The following FCHO2 variants were observed in gnomAD, a reference collection of about 807,000 sequenced individuals.
FCHO2 encodes the protein FCH and mu domain containing endocytic adaptor 2.
A neutral mutation model predicts 114.1 loss-of-function variants in FCHO2; 43 were observed. The ratio of observed to expected loss-of-function variants is 0.38; its 90% CI spans 0.30 to 0.49. FCHO2 has a LOEUF of 0.49. Ranked by LOEUF, FCHO2 falls within the 20% of genes least tolerant of loss-of-function variation. The pLI, the probability that FCHO2 is intolerant of heterozygous loss-of-function variation, is 0.97. For synonymous variants in FCHO2, 293 were observed against 315.2 expected (o/e 0.93, Z 0.75); for missense variants, 807 against 950.4 (o/e 0.85, Z 1.98).
At chr5:72,994,959 G>C (rs1052407430) in intron 5 of FCHO2, among the ~76,000 whole-genome samples, 2 of 152,218 alleles carry the variant, frequency 1.3e-5, no homozygotes, top group Admixed American at 1.3e-4. Context: ...TACTGGAGGA[G>C]AGAGGGTGGG....
intron 15 of FCHO2, 49 bp downstream of exon 15, chr5:73,054,598 AG>A (rs1561482121): frequency 4.3e-6 from 6 of 1,385,328 alleles, no homozygotes; most frequent in Non-Finnish European, 6.0e-6. Flanking sequence ...AAAATTTATA[AG>A]GCAATTTGTT....
chr5:72,958,517 CA>C (rs1751680012), intron 1 of FCHO2, among the ~76,000 whole-genome samples: 1 of 152,122 alleles, frequency 6.6e-6, no homozygotes. Context: ...TCTGTATTTT[CA>C]ATTCTATTCC....
intron 8 of FCHO2, chr5:73,020,726 G>T: frequency 8.4e-7 from 1 of 1,191,454 alleles, no homozygotes; most frequent in Non-Finnish European, 1.3e-6. Context: ...CTCATTTTCT[G>T]TTCTACATCC....
intron 16 of FCHO2, among the ~76,000 whole-genome samples, chr5:73,056,872 TAAAA>T (rs60237022): frequency 6.8e-6 from 1 of 147,996 alleles, no homozygotes; most frequent in Non-Finnish European, 1.5e-5. Flanking sequence ...CAGCTCTTCT[TAAAA>T]AAAAAAATGT....
At position 73,011,111 on chromosome 5, in the gene FCHO2, C is replaced by T. The variant is rs573686403; in HGVS notation, c.601-4515C>T. On this transcript the variant is annotated intron_variant, in intron 6 of 25. Coordinates refer to ENST00000430046, the MANE Select transcript of FCHO2 (RefSeq NM_138782.3). ...GTATAAAAGATTAAAAATGCTGCAT[C>T]TGAGTAGAACACTTATGTTGAATGG... 7.1e-4 allele frequency among the ~76,000 whole-genome samples: 108 copies of T among 152,212 alleles called. 1 individual carries two copies. Among genetic ancestry groups the T allele is most frequent in the Non-Finnish European group, 1.3e-3 (86 of 68,008 alleles).
chr5:73,020,503 A>G (rs1755560396), intron 8 of FCHO2, among the ~76,000 whole-genome samples: 1 of 152,216 alleles, frequency 6.6e-6, no homozygotes. Context: ...GACTGGGTGT[A>G]CCATTCTGTA....
At chr5:73,067,348 T>TA (rs1432999733) in intron 18 of FCHO2, among the ~76,000 whole-genome samples, 1 of 152,076 alleles carries the variant, frequency 6.6e-6, no homozygotes, top group Non-Finnish European at 1.5e-5. Flanking sequence ...TGTTGATCAG[T>TA]ATCTGTTCAC....
intron 12 of FCHO2, among the ~76,000 whole-genome samples, 191 bp downstream of exon 12, chr5:73,051,597 C>T (rs991724315): frequency 9.9e-5 from 15 of 151,862 alleles, no homozygotes; most frequent in Middle Eastern, 3.4e-3. Flanking sequence ...GACAGAGTCT[C>T]GCTCTCTTGC....
Position 72,956,070 on chromosome 5 carries a change from C to T in FCHO2, c.-27C>T, listed in dbSNP as rs1462543630. ...TTACACAGCGGCGGGCGGGCGCGGACGCGGAACCCGGCGCGGCGGCGGCAC... is the reference window on the plus strand; with the variant it reads ...TTACACAGCGGCGGGCGGGCGCGGATGCGGAACCCGGCGCGGCGGCGGCAC... On this transcript the variant is annotated 5_prime_UTR_variant, in exon 1 of 26. The change creates a new upstream start codon in the 5' untranslated region. Coordinates refer to ENST00000430046, the MANE Select transcript of FCHO2 (RefSeq NM_138782.3). The T allele has an allele frequency of 1.3e-6, 2 of 1,538,638 alleles. No homozygotes were observed. Among genetic ancestry groups the T allele is most frequent in the Non-Finnish European group, 1.8e-6 (2 of 1,141,864 alleles).
rs768443331 is a variant in FCHO2 at position 72,990,532 on chromosome 5, T to C, written c.255T>C (p.Asn85=). The C allele has an allele frequency of 5.8e-6, 9 of 1,539,284 alleles. No individual in the cohort carries two copies. In the African/African-American group the frequency reaches 9.7e-5, roughly 17 times the overall value. ...AAACATCTACAGAGAAATTAGCAAA[T>C]TGTCACTTGGATCTTGTTAGAAAAT... The part of the protein sequence containing the change: ...VFKTSTEKLA[N]CHLDLVRKLQ... Residue 85 remains asparagine (N), a synonymous_variant, in exon 4 of 26, where the codon AAT becomes AAC. Transcript: ENST00000430046.
chr5:72,962,823 G>A (rs529341388), intron 1 of FCHO2, among the ~76,000 whole-genome samples: 32 of 152,044 alleles, frequency 2.1e-4, no homozygotes, highest in Non-Finnish European at 3.5e-4. Flanking sequence ...AACCCGGGTG[G>A]CAGAGGTTGT....
At chr5:72,961,127 A>G (rs1391774526) in intron 1 of FCHO2, among the ~76,000 whole-genome samples, 3 of 152,110 alleles carry the variant, frequency 2.0e-5, no homozygotes, top group African/African-American at 7.2e-5. Flanking sequence ...AATTTGATTT[A>G]TCATTACTTG....
Position 73,006,436 on chromosome 5 carries a change from T to C in FCHO2, c.496-9T>C, listed in dbSNP as rs989158455. 1 of 1,472,386 alleles carries C rather than the reference T, an allele frequency of 6.8e-7. No homozygotes were observed. The highest frequency in any genetic ancestry group is 2.5e-5 in the East Asian group (1 of 39,440). 91.2% of individuals were successfully genotyped at this position (1,472,386 alleles called of 1,614,324 possible). A position where few individuals can be genotyped will look rare whatever the true frequency, so the allele number is the denominator to read the frequency against. On this transcript the variant is annotated splice_polypyrimidine_tract_variant and intron_variant, in intron 5 of 25. Coordinates refer to ENST00000430046, the MANE Select transcript of FCHO2 (RefSeq NM_138782.3). ...ACAGTTAAAAGTTTTTTATTTTATTTTATTACAGGCAGCTGTTAAATCTAA... is the reference window on the plus strand; with the variant it reads ...ACAGTTAAAAGTTTTTTATTTTATTCTATTACAGGCAGCTGTTAAATCTAA...
intron 6 of FCHO2, among the ~76,000 whole-genome samples, chr5:73,014,201 T>C (rs766402450): frequency 1.4e-4 from 21 of 152,184 alleles, no homozygotes; most frequent in Non-Finnish European, 1.6e-4. Context: ...ACTGCTGAAA[T>C]AGAGTATATA....
chr5:73,085,198 A>T (rs1257864817), intron 24 of FCHO2, among the ~76,000 whole-genome samples: 1 of 151,998 alleles, frequency 6.6e-6, no homozygotes, highest in African/African-American at 2.4e-5. Flanking sequence ...AAAATACAAA[A>T]ATTAGCTGGA....
chr5:73,069,988 C>G (rs1373903840), intron 19 of FCHO2, among the ~76,000 whole-genome samples: 1 of 152,100 alleles, frequency 6.6e-6, no homozygotes, highest in Non-Finnish European at 1.5e-5. Context: ...CTTGATAATG[C>G]AAATCACTGA....
In FCHO2 at chr5:73,089,971, A is replaced by G. The variant is rs965207869; in HGVS notation, c.*1881A>G. 1.3e-5 allele frequency: 2 copies of G among 152,624 alleles called. No homozygotes were observed. Among genetic ancestry groups the G allele is most frequent in the African/African-American group, 4.8e-5 (2 of 41,464 alleles). The allele number at this position is 152,624 out of a possible 1,614,324, so 9.5% of individuals were successfully genotyped here. ...TTGTGCTCTTTTAAATGCCAATTAC[A>G]GTCCCTTACTGGAATTCTAACTGTA... On this transcript the variant is annotated 3_prime_UTR_variant, in exon 26 of 26. Coordinates refer to ENST00000430046, the MANE Select transcript of FCHO2 (RefSeq NM_138782.3).
chr5:73,071,022 A>G (rs1375710914), intron 19 of FCHO2, among the ~76,000 whole-genome samples: 4 of 151,980 alleles, frequency 2.6e-5, no homozygotes, highest in Non-Finnish European at 4.4e-5. Context: ...TCGTTATCCA[A>G]CTTTTCCTTT....
At chr5:73,040,136 GATAAATGGCGTTTATCTGTTTGT>G (rs1325846606) in intron 10 of FCHO2, among the ~76,000 whole-genome samples, 1 of 151,990 alleles carries the variant, frequency 6.6e-6, no homozygotes, top group Non-Finnish European at 1.5e-5. Flanking sequence ...TTAGTATTTG[GATAAATGGCGTTTATCTGTTTGT>G]ATAAGATTTT....
Sources: gnomAD v4.1 joint callset for allele counts (sites outside exome capture counted in the v4.1 genomes callset) on GRCh38, gnomAD v4.1.1 for gene constraint, MANE v1.5 for transcripts, NCBI Gene and HGNC (gene_info 2026-07-23, HGNC 2026-07-21) for gene names.